Variants in ADGRE5 observed in about 807,000 individuals in gnomAD.
The protein encoded by ADGRE5 is adhesion G protein-coupled receptor E5.
Under a neutral mutation model 100.3 loss-of-function variants are expected in ADGRE5, and 72 were observed. The ratio of observed to expected loss-of-function variants is 0.72; its 90% CI spans 0.59 to 0.87. The LOEUF (loss-of-function observed/expected upper bound fraction) is 0.87. Among genes scored for constraint, ADGRE5 ranks in the 40% least tolerant of loss-of-function variants. The pLI is 0.00. For synonymous variants in ADGRE5, 439 were observed against 447.8 expected, an observed-to-expected ratio of 0.98 and a Z score of 0.25; for missense variants, 959 against 1,094.7, an observed-to-expected ratio of 0.88 and a Z score of 1.75.
chr19:14,404,684 C>A, intron 13 of ADGRE5, 122 bp downstream of exon 13: 1 of 891,300 alleles, frequency 1.1e-6, no homozygotes, highest in African/African-American at 1.7e-5. Context: ...GGTTGCACAG[C>A]CCAGGTGTCC....
chr19:14,406,076 C>T lies in ADGRE5; in HGVS notation c.1821+137C>T. On this transcript the variant is annotated intron_variant, in intron 14 of 19. Transcript: ENST00000242786. The surrounding 1 kb of genome is among the most constrained non-coding windows in gnomAD (Gnocchi z 6.0). ...GCCCCGCCCCTGTCCGGGATCTGGC[C>T]CCGCCCACCGGGGGGTCGGGTTGTC... 1 of 797,416 alleles carries T rather than the reference C, an allele frequency of 1.3e-6. No homozygotes were observed. The highest frequency in any genetic ancestry group is 1.9e-6 in the Non-Finnish European group (1 of 517,134). The allele number at this position is 797,416 out of a possible 1,614,324, so 49.4% of individuals were successfully genotyped here. A position where few individuals can be genotyped will look rare whatever the true frequency, so the allele number is the denominator to read the frequency against.
Position 14,407,080 on chromosome 19 carries a change from A to G in ADGRE5, c.2227A>G (p.Ile743Val), listed in dbSNP as rs563479999. The G allele has an allele frequency of 6.2e-7, 1 of 1,614,138 alleles. No homozygotes were observed. The highest frequency in any genetic ancestry group is 1.3e-5 in the African/African-American group (1 of 75,074). Residue 743 changes from isoleucine (I) to valine (V), a missense_variant, in exon 18 of 20, where the codon ATC becomes GTC. By Grantham distance (29) the Ile-to-Val change is conservative (BLOSUM62 3). Transcript: ENST00000242786. ...KKARALTITA[I>V]AQLFLLGCTW... The stretch of plus-strand genomic sequence containing the variant: ...TCGCAGGGCGCTGACCATCACGGCC[A>G]TCGCGCAGCTCTTCCTGTTGGGCTG...
intron 9 of ADGRE5, 31 bp downstream of exon 9, chr19:14,398,170 C>T (rs1272005072): frequency 1.2e-6 from 2 of 1,607,870 alleles, no homozygotes. Flanking sequence ...GACCCCAGGA[C>T]AGTGTAGAAT....
chr19:14,406,480 G>A lies in ADGRE5; in HGVS notation c.1971G>A (p.Leu657=). The A allele has an allele frequency of 6.4e-7, 1 of 1,565,936 alleles. No homozygotes were observed. The highest frequency in any genetic ancestry group is 8.7e-7 in the Non-Finnish European group (1 of 1,155,498). The change falls in exon 15 of 20, where the codon CTG becomes CTA. Residue 657 remains leucine (L), a synonymous_variant. Transcript: ENST00000242786. The surrounding 1 kb of genome is among the most constrained non-coding windows in gnomAD (Gnocchi z 6.0). ...GCCTGAGTACGCGCTGGCTCTGCCT[G>A]ATCGGCTATGGCGTGCCCCTGCTCA... ...GQGLSTRWLC[L]IGYGVPLLIV...
At chr19:14,394,208 G>A (rs953995578) in intron 4 of ADGRE5, among the ~76,000 whole-genome samples, 58 of 152,172 alleles carry the variant, frequency 3.8e-4, no homozygotes, top group Admixed American at 3.2e-3. Context: ...GGACCTCCAC[G>A]GACATCAAAG....
chr19:14,393,509 A>T (rs1324306057), intron 4 of ADGRE5, among the ~76,000 whole-genome samples: 3 of 152,234 alleles, frequency 2.0e-5, no homozygotes, highest in Non-Finnish European at 1.5e-5. Context: ...GGGAGCCAGC[A>T]GTGGGCAGCT....
chr19:14,388,368 TC>T (rs1432203289), intron 1 of ADGRE5, 81 bp from the exon 2 acceptor site: 1 of 1,510,754 alleles, frequency 6.6e-7, no homozygotes, highest in Non-Finnish European at 8.9e-7. Flanking sequence ...GTCAGCATCC[TC>T]CTCCCACAAA....
chr19:14,387,223 GTTTTC>G (rs953446552), intron 1 of ADGRE5, among the ~76,000 whole-genome samples: 3 of 151,912 alleles, frequency 2.0e-5, no homozygotes, highest in Non-Finnish European at 4.4e-5. Context: ...GCTCCTGTCT[GTTTTC>G]TTAGCCACTC....
chr19:14,406,588 G>A lies in ADGRE5; in HGVS notation c.2048+31G>A. 6.2e-7 allele frequency: 1 copy of A among 1,605,884 alleles called. No homozygotes were observed. Among genetic ancestry groups the A allele is most frequent in the South Asian group, 1.1e-5 (1 of 90,776 alleles). On this transcript the variant is annotated intron_variant, in intron 15 of 19. Transcript: ENST00000242786. This position sits in a 1 kb window ranked among gnomAD's most constrained non-coding sequence, Gnocchi z 6.0. Reference sequence around the variant, plus strand: ...TGCAGCGAGATGGGGCAGGAGGAAGGCGGGGTGCTGGGCCTGGGGCTCACA... The same window carrying A: ...TGCAGCGAGATGGGGCAGGAGGAAGACGGGGTGCTGGGCCTGGGGCTCACA...
intron 4 of ADGRE5, among the ~76,000 whole-genome samples, chr19:14,392,534 G>GGTTACTTTCACCTTGTTAAAAGGTTAAA (rs1194547287): frequency 2.6e-5 from 4 of 152,150 alleles, no homozygotes; most frequent in African/African-American, 9.7e-5. Context: ...ACCTTGGACA[G>GGTTACTTTCACCTTGTTAAAAGGTTAAA]GTTACTTTCA....
rs1251480058 is a variant in ADGRE5, at chr19:14,407,965, G to C, written c.2434G>C (p.Glu812Gln). ...CLVAGGSKYS[E>Q]FTSTTSGTGH... Reference sequence around the variant, plus strand: ...AGTTGCTGGGGGGAGCAAGTACTCAGAATTCACCTCCACCACGTCTGGCAC... The same window carrying C: ...AGTTGCTGGGGGGAGCAAGTACTCACAATTCACCTCCACCACGTCTGGCAC... Residue 812 changes from glutamate (E) to glutamine (Q), a missense_variant, in exon 19 of 20, where the codon GAA becomes CAA. Glu to Gln is a conservative substitution (Grantham distance 29). Transcript: ENST00000242786. The C allele has an allele frequency of 6.2e-7, 1 of 1,614,028 alleles. No individual in the cohort carries two copies. The highest frequency in any genetic ancestry group is 8.5e-7 in the Non-Finnish European group (1 of 1,180,036).
chr19:14,385,157 T>C (rs1333894118), intron 1 of ADGRE5, among the ~76,000 whole-genome samples: 1 of 151,568 alleles, frequency 6.6e-6, no homozygotes, highest in Non-Finnish European at 1.5e-5. Flanking sequence ...ATTACAGGCG[T>C]GTGCCACCAT....
In ADGRE5 at chr19:14,402,795, C is replaced by T. The variant is rs1315494132; in HGVS notation, c.1382C>T (p.Pro461Leu). ...AACAACACCAAGGAACTCAACTCCC[C>T]CATCCTTTTCGCCTTCTCCCACCTT... Reference protein sequence around the residue: ...SHNNTKELNSPILFAFSHLES... With the variant: ...SHNNTKELNSLILFAFSHLES... Residue 461 changes from proline to leucine, a missense_variant, in exon 12 of 20, where the codon CCC (proline) becomes CTC (leucine). Pro to Leu is a moderately conservative substitution (Grantham distance 98, BLOSUM62 -3). Coordinates refer to ENST00000242786, the MANE Select transcript of ADGRE5 (RefSeq NM_078481.4). The T allele has an allele frequency of 1.2e-6, 2 of 1,614,108 alleles. No individual in the cohort carries two copies. The highest frequency in any genetic ancestry group is 1.7e-5 in the Admixed American group (1 of 60,004).
chr19:14,390,151 GAGGA>G (rs967115562), intron 3 of ADGRE5, among the ~76,000 whole-genome samples: 13 of 143,602 alleles, frequency 9.1e-5, no homozygotes, highest in South Asian at 2.3e-4. Context: ...GGGAAGGAGG[GAGGA>G]AGGAAGGAAG....
In ADGRE5 at chr19:14,407,913, G is replaced by A. The variant is rs754969640; in HGVS notation, c.2382G>A (p.Arg794=). The change falls in exon 19 of 20, where the codon CGG becomes CGA. Residue 794 remains arginine, a synonymous_variant. Transcript: ENST00000242786. ...CTTGGTGTCTGGGCCGGCAGGTTCGGGAAGAATACCGGAAGTGGGCCTGCC... is the reference window on the plus strand; with the variant it reads ...CTTGGTGTCTGGGCCGGCAGGTTCGAGAAGAATACCGGAAGTGGGCCTGCC... ...LLHCLLNKKV[R]EEYRKWACLV... is the part of the protein sequence containing the mutation. 2.5e-6 allele frequency: 4 copies of A among 1,613,910 alleles called. No individual in the cohort carries two copies. Among genetic ancestry groups the A allele is most frequent in the Non-Finnish European group, 3.4e-6 (4 of 1,179,990 alleles).
At position 14,403,047 on chromosome 19, in the gene ADGRE5, A is replaced by T. The variant is rs547269160; in HGVS notation, c.1449+185A>T. Among the ~76,000 whole-genome samples, 555 of 151,806 alleles carry T rather than the reference A, an allele frequency of 3.7e-3. 3 individuals carry two copies. Among genetic ancestry groups the T allele is most frequent in the African/African-American group, 0.012 (502 of 41,440 alleles). ...CTTTATTTATTTAATTTAATTAATTAATTTATTTATTTTAAGACAGAGTCT... is the reference window on the plus strand; with the variant it reads ...CTTTATTTATTTAATTTAATTAATTTATTTATTTATTTTAAGACAGAGTCT... On this transcript the variant is annotated intron_variant, in intron 12 of 19. Coordinates refer to ENST00000242786, the MANE Select transcript of ADGRE5 (RefSeq NM_078481.4).
Position 14,406,544 on chromosome 19 carries a change from G to C in ADGRE5, c.2035G>C (p.Gly679Arg). ...GGCTGCCATCTACAGCAAGGGCTAC[G>C]GCCGCCCCAGATAGTGAGTGCAGCG... ...VSAAIYSKGY[G>R]RPRYCWLDFE... The change falls in exon 15 of 20, where the codon GGC (glycine) becomes CGC (arginine). Residue 679 changes from glycine (G) to arginine (R), a missense_variant. Physicochemically the swap from Gly to Arg is moderately radical, Grantham distance 125. Around this residue, in one of 6 missense-constraint regions of ADGRE5, gnomAD observed 428 missense variants for 386.2 expected, o/e 1.11. Transcript: ENST00000242786. This position sits in a 1 kb window ranked among gnomAD's most constrained non-coding sequence, Gnocchi z 6.0. 1.3e-6 allele frequency: 2 copies of C among 1,585,856 alleles called. No individual in the cohort carries two copies. The highest frequency in any genetic ancestry group is 1.7e-6 in the Non-Finnish European group (2 of 1,166,654).
intron 2 of ADGRE5, 66 bp downstream of exon 2, chr19:14,388,566 G>A (rs1358264140): frequency 2.0e-5 from 32 of 1,588,548 alleles, no homozygotes; most frequent in South Asian, 6.8e-5. Flanking sequence ...CTGGACCCCC[G>A]CCCAGCCCCC....
chr19:14,397,744 C>T lies in ADGRE5; in HGVS notation c.712C>T (p.Arg238Cys), dbSNP rs747452493. ...CGTGGGTTCATACAGCTGCCGCTGC[C>T]GCCCAGGCTGGAAGCCCAGACACGG... Reference protein sequence around the residue: ...NTVGSYSCRCRPGWKPRHGIP... With the variant: ...NTVGSYSCRCCPGWKPRHGIP... Residue 238 changes from arginine to cysteine, a missense_variant, in exon 7 of 20, where the codon CGC becomes TGC. Arg to Cys is a radical substitution (Grantham distance 180, BLOSUM62 -3). Around this residue, in one of 6 missense-constraint regions of ADGRE5, gnomAD observed 69 missense variants for 135.0 expected, o/e 0.51. Coordinates refer to ENST00000242786, the MANE Select transcript of ADGRE5 (RefSeq NM_078481.4). 19 of 1,414,722 alleles carry T rather than the reference C, an allele frequency of 1.3e-5. No homozygotes were observed. Among genetic ancestry groups the T allele is most frequent in the East Asian group, 4.7e-5 (2 of 42,710 alleles). The allele number at this position is 1,414,722 out of a possible 1,614,324, so 87.6% of individuals were successfully genotyped here.
Sources: allele counts gnomAD v4.1 joint callset (sites outside exome capture counted in the v4.1 genomes callset), GRCh38; gene constraint gnomAD v4.1.1; regional missense constraint gnomAD v4.1.1; non-coding constraint Gnocchi (gnomAD v3.1); transcripts MANE v1.5; gene names NCBI Gene and HGNC (gene_info 2026-07-23, HGNC 2026-07-21).